The following NUCKS1 variants were observed in gnomAD, a reference collection of about 807,000 sequenced individuals.
NUCKS1 encodes nuclear casein kinase and cyclin dependent kinase substrate 1.
In NUCKS1, 2 loss-of-function variants were observed where a neutral mutation model predicts 33.0. The observed-to-expected ratio is 0.06, with a 90% CI of 0.02 to 0.19. The LOEUF (loss-of-function observed/expected upper bound fraction) is 0.19, where lower values mean the gene tolerates loss of function less well. Among genes scored for constraint, NUCKS1 ranks in the 10% least tolerant of loss-of-function variants. The probability of loss-of-function intolerance (pLI) is 1.00; values close to 1 mark genes in which losing one functional copy is unlikely to be tolerated. For missense variants in NUCKS1, 201 were observed against 293.6 expected (o/e 0.68, Z 2.31); for synonymous variants, 106 against 102.8 (o/e 1.03, Z -0.19).
chr1:205,722,486 A>G (rs1183948474), intron 4 of NUCKS1, among the ~76,000 whole-genome samples: 2 of 152,060 alleles, frequency 1.3e-5, no homozygotes, highest in African/African-American at 2.4e-5. Flanking sequence ...CGAACTCCTG[A>G]CCTCAGGTGA....
Position 205,716,249 on chromosome 1 carries a change from C to T in NUCKS1, c.*2031G>A, listed in dbSNP as rs1671821467. 6.6e-6 allele frequency: 1 copy of T among 152,040 alleles called. No homozygotes were observed. Among genetic ancestry groups the T allele is most frequent in the African/African-American group, 2.4e-5 (1 of 41,390 alleles). The allele number at this position is 152,040 out of a possible 1,614,324, so 9.4% of individuals were successfully genotyped here. A position where few individuals can be genotyped will look rare whatever the true frequency, so the allele number is the denominator to read the frequency against. On this transcript the variant is annotated 3_prime_UTR_variant, in exon 7 of 7. Coordinates refer to ENST00000367142, the MANE Select transcript of NUCKS1 (RefSeq NM_022731.5). ...TGAAGTTTTAAAAGAGCCCTCCCCC[C>T]AAATCTTCACGAAACATAACCTAAG...
chr1:205,749,220 A>G (rs769583662), intron 1 of NUCKS1, among the ~76,000 whole-genome samples: 1 of 152,252 alleles, frequency 6.6e-6, no homozygotes, highest in Non-Finnish European at 1.5e-5. Flanking sequence ...GGACATTTCT[A>G]GTCGGAGAGA....
chr1:205,731,022 C>T (rs1174738426), intron 1 of NUCKS1, among the ~76,000 whole-genome samples: 1 of 152,074 alleles, frequency 6.6e-6, no homozygotes, highest in South Asian at 2.1e-4. Flanking sequence ...AGGTATAGTA[C>T]AGTTACATTA....
At chr1:205,725,966 C>T (rs1178265075) in intron 3 of NUCKS1, among the ~76,000 whole-genome samples, 1 of 151,996 alleles carries the variant, frequency 6.6e-6, no homozygotes. Context: ...TTTGGGAGGC[C>T]GAGGTGGGCT....
chr1:205,717,737 TTA>T lies in NUCKS1; in HGVS notation c.*541_*542del. On this transcript the variant is annotated 3_prime_UTR_variant, in exon 7 of 7. Coordinates refer to ENST00000367142, the MANE Select transcript of NUCKS1 (RefSeq NM_022731.5). ...TGGAAGTTTAAAGTCATGATTTTTT[TTA>T]GACATTGATACTTGTGTCTATAGAC... is the stretch of plus-strand genomic sequence containing the variant. 1.0e-6 allele frequency: 1 copy of T among 985,336 alleles called. No homozygotes were observed. The highest frequency in any genetic ancestry group is 1.2e-6 in the Non-Finnish European group (1 of 829,850). 61.0% of individuals were successfully genotyped at this position (985,336 alleles called of 1,614,324 possible). A position where few individuals can be genotyped will look rare whatever the true frequency, so the allele number is the denominator to read the frequency against.
Position 205,746,347 on chromosome 1 carries a change from T to G in NUCKS1, c.17+3610A>C, listed in dbSNP as rs540067214. 2.0e-4 allele frequency among the ~76,000 whole-genome samples: 31 copies of G among 152,294 alleles called. No individual in the cohort carries two copies. The South Asian group carries it at 6.4e-3, about 32-fold the overall frequency. On this transcript the variant is annotated intron_variant, in intron 1 of 6. Coordinates refer to ENST00000367142, the MANE Select transcript of NUCKS1 (RefSeq NM_022731.5). ...TCAGGCATTGTAAATTATGTATCTT[T>G]GATGGCATGTCTTTGAAGGAATTAT... is the stretch of plus-strand genomic sequence containing the variant.
rs1671852576 is a variant in NUCKS1, at chr1:205,717,890, A to C, written c.*390T>G. On this transcript the variant is annotated 3_prime_UTR_variant, in exon 7 of 7. Transcript: ENST00000367142. ...TTCAACTTGCTATTTTTTAGCAAAA[A>C]GCGAAGTTTCAATAGTGTTCATCTC... 4 of 988,358 alleles carry C rather than the reference A, an allele frequency of 4.0e-6. No individual in the cohort carries two copies. The highest frequency in any genetic ancestry group is 9.4e-5 in the South Asian group (2 of 21,318). The allele number at this position is 988,358 out of a possible 1,614,324, so 61.2% of individuals were successfully genotyped here.
At chr1:205,749,341 A>C (rs900175296) in intron 1 of NUCKS1, among the ~76,000 whole-genome samples, 1 of 152,186 alleles carries the variant, frequency 6.6e-6, no homozygotes. Context: ...CCGGGGGGAA[A>C]AAAACGGGTC....
chr1:205,721,497 A>G (rs920720963), intron 4 of NUCKS1, among the ~76,000 whole-genome samples: 1 of 152,204 alleles, frequency 6.6e-6, no homozygotes, highest in Non-Finnish European at 1.5e-5. Context: ...ATCTATGTTC[A>G]CTGTTTTTGA....
chr1:205,747,556 T>A (rs977305454), intron 1 of NUCKS1, among the ~76,000 whole-genome samples: 2 of 152,172 alleles, frequency 1.3e-5, no homozygotes, highest in African/African-American at 4.8e-5. Flanking sequence ...GCTCTTAAAA[T>A]GTTTAGGTTC....
chr1:205,734,568 G>GGCCATTCATGAT (rs1386974295), intron 1 of NUCKS1, among the ~76,000 whole-genome samples: 1 of 151,756 alleles, frequency 6.6e-6, no homozygotes, highest in Admixed American at 6.6e-5. Context: ...TGATAACAAG[G>GGCCATTCATGAT]GCCATTCATG....
intron 1 of NUCKS1, among the ~76,000 whole-genome samples, chr1:205,741,020 G>A (rs1654154167): frequency 6.6e-6 from 1 of 151,524 alleles, no homozygotes; most frequent in Non-Finnish European, 1.5e-5. Flanking sequence ...AGTCACACAC[G>A]GCCGGGCGCG....
chr1:205,725,941 C>G (rs1160202986), intron 3 of NUCKS1, among the ~76,000 whole-genome samples: 2 of 152,126 alleles, frequency 1.3e-5, no homozygotes, highest in Non-Finnish European at 2.9e-5. Flanking sequence ...TGGCTCATGC[C>G]TGTAATTCCA....
At chr1:205,745,919 T>C (rs189019832) in intron 1 of NUCKS1, among the ~76,000 whole-genome samples, 85 of 152,340 alleles carry the variant, frequency 5.6e-4, no homozygotes, top group Admixed American at 9.1e-4. Flanking sequence ...ATTTTAAACA[T>C]TTAAAATGAA....
chr1:205,733,201 T>C (rs1196164731), intron 1 of NUCKS1, among the ~76,000 whole-genome samples: 1 of 152,248 alleles, frequency 6.6e-6, no homozygotes, highest in East Asian at 1.9e-4. Flanking sequence ...GGATATATCC[T>C]ATGAAACTAC....
intron 1 of NUCKS1, among the ~76,000 whole-genome samples, chr1:205,741,315 A>T (rs868318650): frequency 6.6e-6 from 1 of 150,846 alleles, no homozygotes; most frequent in Admixed American, 6.6e-5. Flanking sequence ...AAAAAAAAAA[A>T]AAAAGAAAAG....
chr1:205,718,618 G>T (rs950987432), intron 6 of NUCKS1, 139 bp from the exon 7 acceptor site: 19 of 1,174,434 alleles, frequency 1.6e-5, no homozygotes, highest in Non-Finnish European at 1.9e-5. Flanking sequence ...GTGGGCACAA[G>T]GGAGCACATA....
intron 6 of NUCKS1, among the ~76,000 whole-genome samples, chr1:205,719,102 CAGAGGATGGGGT>C (rs1671877985): frequency 6.6e-6 from 1 of 152,176 alleles, no homozygotes; most frequent in African/African-American, 2.4e-5. Flanking sequence ...TCTGATAGCA[CAGAGGATGGGGT>C]AGAGTTCAGA....
rs1198764123 is a variant in NUCKS1 at position 205,723,989 on chromosome 1, G to C, written c.174-8C>G. 4 of 1,609,748 alleles carry C rather than the reference G, an allele frequency of 2.5e-6. No homozygotes were observed. In the South Asian group the frequency reaches 3.3e-5, roughly 13 times the overall value. ...TTGTCTTCTGAGTCCTCACTATAAA[G>C]GGAGGCAAAAAAGCAAATGCATAAA... On this transcript the variant is annotated splice_region_variant and splice_polypyrimidine_tract_variant and intron_variant, in intron 3 of 6. Transcript: ENST00000367142.
Sources: allele counts gnomAD v4.1 joint callset (sites outside exome capture counted in the v4.1 genomes callset), GRCh38; gene constraint gnomAD v4.1.1; transcripts MANE v1.5; gene names NCBI Gene and HGNC (gene_info 2026-07-23, HGNC 2026-07-21).